FBN2: variants seen among roughly 807,000 people sequenced by gnomAD.
The protein encoded by FBN2 is fibrillin-2.
FBN2 carries 105 observed loss-of-function variants against 355.6 expected under a neutral mutation model. The ratio of observed to expected loss-of-function variants is 0.30; its 90% CI spans 0.25 to 0.35. The LOEUF (loss-of-function observed/expected upper bound fraction) is 0.35, where lower values mean the gene tolerates loss of function less well. Ranked by LOEUF, FBN2 falls within the 10% of genes least tolerant of loss-of-function variation. The pLI is 1.00. For synonymous variants in FBN2, 1,350 were observed against 1,301.2 expected, an observed-to-expected ratio of 1.04 and a Z score of -0.81; for missense variants, 3,280 against 3,758.7, an observed-to-expected ratio of 0.87 and a Z score of 3.33.
intron 48 of FBN2, among the ~76,000 whole-genome samples, chr5:128,293,618 G>T (rs978469353): frequency 6.6e-6 from 1 of 152,052 alleles, no homozygotes; most frequent in Non-Finnish European, 1.5e-5. Flanking sequence ...ATATCTTAAT[G>T]AAATAAAAGC....
intron 7 of FBN2, among the ~76,000 whole-genome samples, chr5:128,434,220 A>T (rs1753708383): frequency 6.6e-6 from 1 of 151,538 alleles, no homozygotes; most frequent in Non-Finnish European, 1.5e-5. Flanking sequence ...CATTAAGATA[A>T]GGGGATTTAG....
At chr5:128,357,778 T>G (rs1751540885) in intron 19 of FBN2, among the ~76,000 whole-genome samples, 1 of 152,146 alleles carries the variant, frequency 6.6e-6, no homozygotes, top group Admixed American at 6.5e-5. Context: ...TCTGAAAAAC[T>G]TAAAAAGTCT....
intron 8 of FBN2, 44 bp downstream of exon 8, chr5:128,408,630 T>C: frequency 1.2e-6 from 2 of 1,612,854 alleles, no homozygotes; most frequent in Non-Finnish European, 1.7e-6. Context: ...TGTTTTGTCA[T>C]TATAAAGACC....
At chr5:128,469,322 G>A (rs189563576) in intron 5 of FBN2, among the ~76,000 whole-genome samples, 3 of 152,254 alleles carry the variant, frequency 2.0e-5, no homozygotes, top group African/African-American at 4.8e-5. Flanking sequence ...GGCTGGAGAG[G>A]AGATCAAGAC....
intron 7 of FBN2, among the ~76,000 whole-genome samples, chr5:128,444,273 C>T (rs1255890136): frequency 1.3e-5 from 2 of 151,544 alleles, no homozygotes; most frequent in Admixed American, 1.3e-4. Flanking sequence ...AGGGTTTCAC[C>T]TTGTTAGCCA....
At chr5:128,306,152 T>C (rs1348325088) in intron 42 of FBN2, among the ~76,000 whole-genome samples, 1 of 152,172 alleles carries the variant, frequency 6.6e-6, no homozygotes, top group Non-Finnish European at 1.5e-5. Flanking sequence ...AAAATCTAAG[T>C]AGCTGATAAA....
rs146563413 is a variant in FBN2 at position 128,438,651 on chromosome 5, A to T, written c.952+7830T>A. On this transcript the variant is annotated intron_variant, in intron 7 of 64. Transcript: ENST00000262464. ...ACTGTTCTGGGGGATAAAGGTTGCA[A>T]TGCCCTGTGACAGAGGCTCTAACAG... Among the ~76,000 whole-genome samples the T allele has an allele frequency of 1.7e-3, 264 of 152,268 alleles. 1 individual carries two copies. The highest frequency in any genetic ancestry group is 6.0e-3 in the African/African-American group (251 of 41,552).
chr5:128,460,623 G>A (rs1754532055), intron 6 of FBN2, among the ~76,000 whole-genome samples: 1 of 152,186 alleles, frequency 6.6e-6, no homozygotes, highest in South Asian at 2.1e-4. Flanking sequence ...CAAGGCTACG[G>A]TAACCAAAAC....
At chr5:128,504,784 C>G (rs563710947) in intron 5 of FBN2, among the ~76,000 whole-genome samples, 1 of 152,262 alleles carries the variant, frequency 6.6e-6, no homozygotes, top group Non-Finnish European at 1.5e-5. Context: ...TGAGCTAAGA[C>G]TTTGGAGAGT....
At chr5:128,454,717 C>G (rs1245873056) in intron 6 of FBN2, among the ~76,000 whole-genome samples, 3 of 152,220 alleles carry the variant, frequency 2.0e-5, no homozygotes, top group African/African-American at 7.2e-5. Flanking sequence ...AAAGAACACA[C>G]ACCAGCATTT....
At chr5:128,406,839 G>T (rs1332657284) in intron 8 of FBN2, among the ~76,000 whole-genome samples, 1 of 152,160 alleles carries the variant, frequency 6.6e-6, no homozygotes, top group African/African-American at 2.4e-5. Context: ...GTGAAACCGT[G>T]GATAAGGGGG....
In FBN2 at chr5:128,335,263, A is replaced by G. The variant is rs758486685; in HGVS notation, c.3880T>C (p.Cys1294Arg). 6.2e-7 allele frequency: 1 copy of G among 1,614,140 alleles called. No homozygotes were observed. The highest frequency in any genetic ancestry group is 2.2e-5 in the East Asian group (1 of 44,880). ...ATGTTGGTACACTGGCCGCCATCAC[A>G]GATATCAGGATTGTTTTCACATTCA... ...IDECENNPDI[C>R]DGGQCTNIPG... The change falls in exon 30 of 65, where the codon TGT (cysteine) becomes CGT (arginine). Residue 1294 changes from cysteine (C) to arginine (R), a missense_variant. Coordinates refer to ENST00000262464, the MANE Select transcript of FBN2 (RefSeq NM_001999.4).
intron 62 of FBN2, among the ~76,000 whole-genome samples, chr5:128,269,431 C>T (rs2126801311): frequency 6.6e-6 from 1 of 151,234 alleles, no homozygotes; most frequent in South Asian, 2.1e-4. Flanking sequence ...TGCACTCCGG[C>T]CTGGGCGACA....
chr5:128,448,650 T>C (rs922114831), intron 6 of FBN2, among the ~76,000 whole-genome samples: 2 of 152,174 alleles, frequency 1.3e-5, no homozygotes, highest in Admixed American at 6.5e-5. Flanking sequence ...TAAAGGAATA[T>C]TGTAATATTG....
chr5:128,262,466 T>C (rs1764999997), intron 63 of FBN2, among the ~76,000 whole-genome samples: 1 of 152,322 alleles, frequency 6.6e-6, no homozygotes, highest in East Asian at 1.9e-4. Flanking sequence ...TAGACTGAAG[T>C]ACTGAGCATA....
intron 6 of FBN2, among the ~76,000 whole-genome samples, chr5:128,459,770 A>T (rs1472800116): frequency 6.6e-6 from 1 of 152,252 alleles, no homozygotes; most frequent in Admixed American, 6.5e-5. Context: ...ACATCCGTTC[A>T]TGTTAAAAAT....
chr5:128,412,471 T>C (rs1753095520), intron 7 of FBN2, among the ~76,000 whole-genome samples: 1 of 152,214 alleles, frequency 6.6e-6, no homozygotes, highest in Non-Finnish European at 1.5e-5. Flanking sequence ...TGCTAATTTC[T>C]GAATGATGCC....
intron 5 of FBN2, among the ~76,000 whole-genome samples, chr5:128,486,215 C>T (rs1755334000): frequency 1.3e-5 from 2 of 152,100 alleles, no homozygotes; most frequent in African/African-American, 4.8e-5. Flanking sequence ...AAACAAAACA[C>T]AGTTCTTCTT....
At chr5:128,361,373 T>C (rs1751633905) in intron 19 of FBN2, among the ~76,000 whole-genome samples, 1 of 152,228 alleles carries the variant, frequency 6.6e-6, no homozygotes, top group African/African-American at 2.4e-5. Context: ...CCTACATTAA[T>C]GGATCATAGT....
Sources: allele counts gnomAD v4.1 joint callset (sites outside exome capture counted in the v4.1 genomes callset), GRCh38; gene constraint gnomAD v4.1.1; transcripts MANE v1.5; gene names NCBI Gene and HGNC (gene_info 2026-07-23, HGNC 2026-07-21).